Variants in CCM2 observed in about 807,000 individuals in gnomAD.
CCM2 encodes cerebral cavernous malformations 2 protein.
In CCM2, 25 loss-of-function variants were observed where a neutral mutation model predicts 44.9. The ratio of observed to expected loss-of-function variants is 0.56; its 90% CI spans 0.41 to 0.78. The LOEUF is 0.78. Among genes scored for constraint, CCM2 ranks in the 30% least tolerant of loss-of-function variants. CCM2 has a pLI of 0.00. For missense variants in CCM2, 481 were observed against 580.6 expected (o/e 0.83, Z 1.76); for synonymous variants, 219 against 241.1 (o/e 0.91, Z 0.85).
At chr7:45,059,228 C>G (rs1798409751) in intron 2 of CCM2, among the ~76,000 whole-genome samples, 1 of 152,042 alleles carries the variant, frequency 6.6e-6, no homozygotes. Flanking sequence ...TGGGATAAAT[C>G]CTGCCTGGTC....
Position 45,069,931 on chromosome 7 carries a change from A to C in CCM2, c.715A>C (p.Thr239Pro). The C allele has an allele frequency of 6.2e-7, 1 of 1,614,032 alleles. No homozygotes were observed. The highest frequency in any genetic ancestry group is 1.7e-5 in the Admixed American group (1 of 60,010). Residue 239 changes from threonine to proline, a missense_variant, in exon 6 of 10, where the codon ACC (threonine) becomes CCC (proline). Physicochemically the swap from Thr to Pro is conservative, Grantham distance 38. Transcript: ENST00000258781. ...LDRAIFDGAS[T>P]PTHHLSLHSD... ...CAGAGCGATATTTGATGGGGCCTCTACCCCGACCCACCACCTGTCCCTGCA... is the reference window on the plus strand; with the variant it reads ...CAGAGCGATATTTGATGGGGCCTCTCCCCCGACCCACCACCTGTCCCTGCA...
At chr7:45,065,580 C>T (rs1297340534) in intron 4 of CCM2, among the ~76,000 whole-genome samples, 1 of 152,152 alleles carries the variant, frequency 6.6e-6, no homozygotes, top group African/African-American at 2.4e-5. Flanking sequence ...CATTATTGAC[C>T]CCTTGAGCCA....
Position 45,068,587 on chromosome 7 carries a change from T to C in CCM2, c.609+8T>C. On this transcript the variant is annotated splice_region_variant and intron_variant, in intron 5 of 9. Coordinates refer to ENST00000258781, the MANE Select transcript of CCM2 (RefSeq NM_031443.4). ...CTGGCTGCAGAGAGCAAGGTGAGAC[T>C]TTCTCGCCCCACTTACTCAGAACTG... 6.2e-7 allele frequency: 1 copy of C among 1,613,774 alleles called. No individual in the cohort carries two copies. Among genetic ancestry groups the C allele is most frequent in the East Asian group, 2.2e-5 (1 of 44,856 alleles).
intron 2 of CCM2, among the ~76,000 whole-genome samples, chr7:45,041,687 C>T (rs548296348): frequency 4.6e-5 from 7 of 152,264 alleles, no homozygotes; most frequent in South Asian, 4.1e-4. Flanking sequence ...TGCCTGCTAC[C>T]AGAGGCTAAG....
rs184292234 is a variant in CCM2, at chr7:45,025,799, G to A, written c.31-12454G>A. On this transcript the variant is annotated intron_variant, in intron 1 of 9. Coordinates refer to ENST00000258781, the MANE Select transcript of CCM2 (RefSeq NM_031443.4). ...TCTGCCCACCTCAGCCTTCCAAAAC[G>A]CTGGGATTACAGGCGGGAGCCACTG... Among the ~76,000 whole-genome samples, 143 of 152,312 alleles carry A rather than the reference G, an allele frequency of 9.4e-4. 2 individuals are homozygous for A. The highest frequency in any genetic ancestry group is 3.3e-3 in the African/African-American group (138 of 41,580).
chr7:45,057,452 C>T lies in CCM2; in HGVS notation c.205-6466C>T, dbSNP rs147795249. On this transcript the variant is annotated intron_variant, in intron 2 of 9. Coordinates refer to ENST00000258781, the MANE Select transcript of CCM2 (RefSeq NM_031443.4). ...CTAGGATTACAGGTGTGAGCCACCGCGCCTGGCCTTGGGCTCTCTTTTCCA... is the reference window on the plus strand; with the variant it reads ...CTAGGATTACAGGTGTGAGCCACCGTGCCTGGCCTTGGGCTCTCTTTTCCA... 8.9e-3 allele frequency among the ~76,000 whole-genome samples: 1,355 copies of T among 152,096 alleles called. 13 individuals are homozygous for T. Among genetic ancestry groups the T allele is most frequent in the Non-Finnish European group, 0.016 (1,054 of 67,976 alleles).
At chr7:45,009,198 G>T (rs1583838503) in intron 1 of CCM2, among the ~76,000 whole-genome samples, 1 of 151,112 alleles carries the variant, frequency 6.6e-6, no homozygotes, top group Middle Eastern at 3.4e-3. Context: ...CTACTCCAGA[G>T]GCTGAGGCAG....
intron 1 of CCM2, among the ~76,000 whole-genome samples, chr7:45,012,183 C>G (rs1317943399): frequency 7.2e-6 from 1 of 139,218 alleles, no homozygotes; most frequent in Non-Finnish European, 1.5e-5. Context: ...ACCCAGGCTG[C>G]AGTGTAGTGC....
chr7:45,010,529 G>C (rs960977984), intron 1 of CCM2, among the ~76,000 whole-genome samples: 5 of 152,050 alleles, frequency 3.3e-5, no homozygotes, highest in African/African-American at 1.2e-4. Context: ...GTAATATTTT[G>C]TTGTATGTTT....
intron 9 of CCM2, among the ~76,000 whole-genome samples, chr7:45,075,201 C>T (rs1303130815): frequency 3.9e-5 from 6 of 152,218 alleles, no homozygotes; most frequent in African/African-American, 9.6e-5. Context: ...CTGGGCCCTG[C>T]GTTGCCTCCT....
At chr7:45,063,863 T>G in intron 2 of CCM2, 55 bp from the exon 3 acceptor site, 2 of 1,097,352 alleles carry the variant, frequency 1.8e-6, no homozygotes, top group Non-Finnish European at 2.8e-6. Flanking sequence ...GTAGTGATGG[T>G]GGTGTTGGCT....
At chr7:45,044,918 A>G (rs1408351792) in intron 2 of CCM2, among the ~76,000 whole-genome samples, 1 of 152,112 alleles carries the variant, frequency 6.6e-6, no homozygotes, top group African/African-American at 2.4e-5. Flanking sequence ...TCATAACTAA[A>G]CTCTAACCGA....
At chr7:45,010,858 A>T (rs1449557755) in intron 1 of CCM2, among the ~76,000 whole-genome samples, 2 of 152,152 alleles carry the variant, frequency 1.3e-5, no homozygotes, top group African/African-American at 4.8e-5. Flanking sequence ...ACGGCCTCCC[A>T]GTCTACTTTG....
intron 1 of CCM2, among the ~76,000 whole-genome samples, chr7:45,028,388 T>G (rs1796788376): frequency 6.6e-6 from 1 of 152,180 alleles, no homozygotes. Context: ...CCGGGTACAG[T>G]GGCTTATGCC....
At position 45,064,925 on chromosome 7, in the gene CCM2, A is replaced by G. The variant is rs143948101; in HGVS notation, c.472+279A>G. 9.9e-4 allele frequency among the ~76,000 whole-genome samples: 151 copies of G among 152,228 alleles called. 2 individuals carry two copies. Among genetic ancestry groups the G allele is most frequent in the African/African-American group, 3.4e-3 (143 of 41,534 alleles). On this transcript the variant is annotated intron_variant, in intron 4 of 9. Transcript: ENST00000258781. ...TGTTCCTCTGCCCGGTGGGGCTCCTATTGACTCCCTCTGGGTACAGTGGAG... is the reference window on the plus strand; with the variant it reads ...TGTTCCTCTGCCCGGTGGGGCTCCTGTTGACTCCCTCTGGGTACAGTGGAG...
intron 1 of CCM2, among the ~76,000 whole-genome samples, chr7:45,020,021 C>G (rs1796422434): frequency 6.6e-6 from 1 of 152,142 alleles, no homozygotes; most frequent in Non-Finnish European, 1.5e-5. Context: ...TGGGTTCCTC[C>G]TTTCCTATAT....
chr7:45,008,425 G>A (rs191717798), intron 1 of CCM2, among the ~76,000 whole-genome samples: 255 of 139,088 alleles, frequency 1.8e-3, no homozygotes, highest in African/African-American at 6.4e-3. Context: ...GCAGTGGCGC[G>A]ATCTCGGCTC....
At chr7:45,054,419 C>T (rs1798155560) in intron 2 of CCM2, among the ~76,000 whole-genome samples, 2 of 151,992 alleles carry the variant, frequency 1.3e-5, no homozygotes, top group South Asian at 4.1e-4. Flanking sequence ...CCAGACCCTG[C>T]CACGGGAACT....
Position 45,069,712 on chromosome 7 carries a change from C to A in CCM2, c.610-114C>A, listed in dbSNP as rs1166810173. ...AGGCAGAGGGACACATTCTGGTATCCACTCTTCATTCATGTTTATTGAGCA... is the reference window on the plus strand; with the variant it reads ...AGGCAGAGGGACACATTCTGGTATCAACTCTTCATTCATGTTTATTGAGCA... On this transcript the variant is annotated intron_variant, in intron 5 of 9. Transcript: ENST00000258781. 3.7e-5 allele frequency: 49 copies of A among 1,336,604 alleles called. 2 individuals are homozygous for A. The South Asian group carries it at 5.8e-4, about 16-fold the overall frequency. 82.8% of individuals were successfully genotyped at this position (1,336,604 alleles called of 1,614,324 possible). A position where few individuals can be genotyped will look rare whatever the true frequency, so the allele number is the denominator to read the frequency against.
Sources: gnomAD v4.1 joint callset for allele counts (sites outside exome capture counted in the v4.1 genomes callset) on GRCh38, gnomAD v4.1.1 for gene constraint, MANE v1.5 for transcripts, NCBI Gene and HGNC (gene_info 2026-07-23, HGNC 2026-07-21) for gene names.